Variants in GPLD1 observed in about 807,000 individuals in gnomAD.
The protein encoded by GPLD1 is phosphatidylinositol-glycan-specific phospholipase D.
GPLD1 carries 84 observed loss-of-function variants against 112.6 expected under a neutral mutation model. The ratio of observed to expected loss-of-function variants is 0.75; its 90% CI spans 0.63 to 0.89. The LOEUF (loss-of-function observed/expected upper bound fraction) is 0.89, where lower values mean the gene tolerates loss of function less well. Ranked by LOEUF, GPLD1 falls within the 40% of genes least tolerant of loss-of-function variation. GPLD1 has a pLI of 0.00. For missense variants in GPLD1, 1,044 were observed against 1,051.5 expected (o/e 0.99, Z 0.10); for synonymous variants, 386 against 403.8 (o/e 0.96, Z 0.53).
chr6:24,447,312 C>A (rs916049574), intron 17 of GPLD1, among the ~76,000 whole-genome samples: 1 of 151,566 alleles, frequency 6.6e-6, no homozygotes, highest in African/African-American at 2.4e-5. Flanking sequence ...TCAAGACCAG[C>A]CTGACCAATA....
intron 20 of GPLD1, among the ~76,000 whole-genome samples, chr6:24,439,598 G>C (rs1008427015): frequency 6.6e-6 from 1 of 151,948 alleles, no homozygotes; most frequent in Non-Finnish European, 1.5e-5. Flanking sequence ...TAGACACTTG[G>C]AAATTTCAGC....
Position 24,428,706 on chromosome 6 carries a change from G to A in GPLD1, c.*326C>T. 1 of 204,784 alleles carries A rather than the reference G, an allele frequency of 4.9e-6. No homozygotes were observed. Among genetic ancestry groups the A allele is most frequent in the East Asian group, 1.2e-4 (1 of 8,626 alleles). The allele number at this position is 204,784 out of a possible 1,614,324, so 12.7% of individuals were successfully genotyped here. On this transcript the variant is annotated 3_prime_UTR_variant, in exon 25 of 25. Coordinates refer to ENST00000230036, the MANE Select transcript of GPLD1 (RefSeq NM_001503.4). ...AGACATTCAAGAGGAAGAGGAAATA[G>A]GTTGTACAGCAGGTCTGACTACAGG...
intron 20 of GPLD1, among the ~76,000 whole-genome samples, chr6:24,443,127 G>T (rs934972974): frequency 6.6e-6 from 1 of 152,190 alleles, no homozygotes; most frequent in African/African-American, 2.4e-5. Flanking sequence ...AATTACTACT[G>T]TTACTGCTTG....
chr6:24,492,461 G>A (rs1024067888), upstream of GPLD1, among the ~76,000 whole-genome samples: 4 of 138,750 alleles, frequency 2.9e-5, no homozygotes, highest in East Asian at 8.4e-4. Context: ...AGCTGAGATC[G>A]TGCCATTGCA....
chr6:24,476,155 T>C (rs1185752559), intron 4 of GPLD1, 26 bp downstream of exon 4: 1 of 1,258,278 alleles, frequency 7.9e-7, no homozygotes, highest in Non-Finnish European at 1.1e-6. Flanking sequence ...TGCTAAATAT[T>C]TTAAGGATTG....
intron 7 of GPLD1, among the ~76,000 whole-genome samples, chr6:24,470,125 G>GTT (rs1011777772): frequency 6.7e-6 from 1 of 148,516 alleles, no homozygotes; most frequent in Non-Finnish European, 1.5e-5. Flanking sequence ...AACCTGGACG[G>GTT]TTTTTTTTTT....
chr6:24,433,259 A>G, intron 23 of GPLD1, 22 bp from the exon 24 acceptor site: 6 of 1,607,690 alleles, frequency 3.7e-6, no homozygotes, highest in Non-Finnish European at 5.1e-6. Context: ...GCCGTCTGTT[A>G]ATGGGCTTTG....
downstream of GPLD1, chr6:24,425,318 T>C (rs1157682442): frequency 6.6e-6 from 1 of 152,216 alleles, no homozygotes; most frequent in Non-Finnish European, 1.5e-5. Flanking sequence ...AGGCATAAGA[T>C]AGAATTTTTG....
intron 1 of GPLD1, among the ~76,000 whole-genome samples, chr6:24,487,823 C>A (rs79340406): frequency 5.0e-4 from 76 of 152,240 alleles, no homozygotes; most frequent in African/African-American, 1.6e-3. Context: ...GGAAAGAACG[C>A]CGGACCAGCT....
At chr6:24,489,732 G>T (rs189263035), upstream of GPLD1, 580 of 663,938 alleles carry the variant, frequency 8.7e-4, 1 homozygote, top group Admixed American at 1.5e-3. Context: ...TGTGCTCCTG[G>T]GGGGTGGGGT....
chr6:24,437,010 G>C (rs1762600170), intron 21 of GPLD1, 103 bp downstream of exon 21: 6 of 1,040,738 alleles, frequency 5.8e-6, no homozygotes, highest in Non-Finnish European at 8.7e-6. Context: ...TTGGGCCACT[G>C]GGCTGTCAAT....
At chr6:24,435,836 A>AAAAAAAAAAAAAAAAAATAAAAAAAAT (rs1427422814) in intron 22 of GPLD1, 1 of 146,528 alleles carries the variant, frequency 6.8e-6, no homozygotes, top group Non-Finnish European at 1.5e-5. Flanking sequence ...AAAAAAAAAA[A>AAAAAAAAAAAAAAAAAATAAAAAAAAT]AAAAAAAAAA....
chr6:24,483,968 C>T (rs113964121), intron 2 of GPLD1, among the ~76,000 whole-genome samples: 11 of 152,122 alleles, frequency 7.2e-5, no homozygotes, highest in South Asian at 6.2e-4. Context: ...TGGAATGGAG[C>T]GCAGCAGTGC....
chr6:24,481,321 A>G (rs904387348), intron 2 of GPLD1, among the ~76,000 whole-genome samples: 6 of 151,604 alleles, frequency 4.0e-5, no homozygotes, highest in African/African-American at 1.5e-4. Context: ...TGGGCAAAGT[A>G]AAAGTTTGGC....
Position 24,475,150 on chromosome 6 carries a change from C to CA in GPLD1, c.411dup (p.Glu138Ter), listed in dbSNP as rs2127362168. ...CCCATGGTCCTAAGGAATCCTTGTT[C>CA]AAGGCCCAGACTATGCCAGCTGACA... On this transcript the variant is annotated frameshift_variant, in exon 5 of 25. Coordinates refer to ENST00000230036, the MANE Select transcript of GPLD1 (RefSeq NM_001503.4). LOFTEE classifies it high-confidence loss of function. The CA allele has an allele frequency of 1.2e-6, 2 of 1,606,962 alleles. No individual in the cohort carries two copies. Among genetic ancestry groups the CA allele is most frequent in the Non-Finnish European group, 1.7e-6 (2 of 1,173,524 alleles).
intron 22 of GPLD1, 44 bp from the exon 23 acceptor site, chr6:24,433,433 G>A: frequency 7.3e-7 from 1 of 1,378,438 alleles, no homozygotes; most frequent in South Asian, 1.2e-5. Flanking sequence ...ATTACTGTTT[G>A]TGTGGCTTTT....
At chr6:24,472,288 C>T (rs1215853043) in intron 7 of GPLD1, among the ~76,000 whole-genome samples, 2 of 152,058 alleles carry the variant, frequency 1.3e-5, no homozygotes, top group African/African-American at 2.4e-5. Context: ...TGGACAATAC[C>T]AAGTATTGGA....
At chr6:24,440,653 T>C (rs1403151963) in intron 20 of GPLD1, among the ~76,000 whole-genome samples, 3 of 146,616 alleles carry the variant, frequency 2.0e-5, no homozygotes, top group Non-Finnish European at 4.5e-5. Flanking sequence ...CTTGTGAACC[T>C]GAGATGGGAG....
chr6:24,478,759 CTCTCTCTCTCCACGGTTCCAGTAA>C (rs1561855814), intron 3 of GPLD1, among the ~76,000 whole-genome samples: 1 of 151,752 alleles, frequency 6.6e-6, no homozygotes, highest in African/African-American at 2.4e-5. Flanking sequence ...CTTCATGCAG[CTCTCTCTCTCCACGGTTCCAGTAA>C]TCTCTCCCTC....
Sources: gnomAD v4.1 joint callset for allele counts (sites outside exome capture counted in the v4.1 genomes callset) on GRCh38, gnomAD v4.1.1 for gene constraint, MANE v1.5 for transcripts, NCBI Gene and HGNC (gene_info 2026-07-23, HGNC 2026-07-21) for gene names.